Variants in HYDIN observed in about 807,000 individuals in gnomAD.
HYDIN encodes axonemal central pair apparatus protein HYDIN.
A neutral mutation model predicts 403.9 loss-of-function variants in HYDIN; 132 were observed. The ratio of observed to expected loss-of-function variants is 0.33; its 90% CI spans 0.28 to 0.38. The LOEUF (loss-of-function observed/expected upper bound fraction) is 0.38, where lower values mean the gene tolerates loss of function less well. Among genes scored for constraint, HYDIN ranks in the 10% least tolerant of loss-of-function variants. The pLI is 1.00. For missense variants in HYDIN, 2,827 were observed against 5,009.5 expected (o/e 0.56, Z 13.15); for synonymous variants, 1,202 against 1,891.7 (o/e 0.64, Z 9.46).
rs2035081644 is a variant in HYDIN, at chr16:70,805,819, C to G, written c.*1761G>C. 6.6e-6 allele frequency among the ~76,000 whole-genome samples: 1 copy of G among 152,180 alleles called. No homozygotes were observed. On this transcript the variant is annotated 3_prime_UTR_variant, in exon 86 of 86. Coordinates refer to ENST00000393567, the MANE Select transcript of HYDIN (RefSeq NM_001270974.2). Reference sequence around the variant, plus strand: ...GTATGGCAGTCCTCCTCATCTATGGCTTCAGTTACCTGTGGTCAACTGTGG... The same window carrying G: ...GTATGGCAGTCCTCCTCATCTATGGGTTCAGTTACCTGTGGTCAACTGTGG...
intron 69 of HYDIN, among the ~76,000 whole-genome samples, chr16:70,861,289 G>A (rs573787981): frequency 5.4e-3 from 815 of 151,956 alleles, no homozygotes; most frequent in Non-Finnish European, 7.6e-3. Context: ...ATGAGCAGAT[G>A]CTCAGCTCCA....
chr16:71,115,600 C>T (rs1441240457), intron 10 of HYDIN, 96 bp downstream of exon 10: 12 of 687,826 alleles, frequency 1.7e-5, no homozygotes, highest in Non-Finnish European at 2.7e-5. Flanking sequence ...GGCATGATCC[C>T]ACATGCACAT....
At chr16:70,889,975 T>C (rs2041375724) in intron 57 of HYDIN, among the ~76,000 whole-genome samples, 1 of 152,276 alleles carries the variant, frequency 6.6e-6, no homozygotes, top group Admixed American at 6.5e-5. Flanking sequence ...AAGTTTTAAA[T>C]GCCTACTTGA....
chr16:71,040,129 G>A (rs1388323463), intron 18 of HYDIN, among the ~76,000 whole-genome samples: 4 of 151,986 alleles, frequency 2.6e-5, no homozygotes, highest in Admixed American at 6.5e-5. Flanking sequence ...ACCTGTGAGG[G>A]GTGGAGTGCA....
chr16:71,107,544 A>G (rs1447456807), intron 10 of HYDIN, among the ~76,000 whole-genome samples: 2 of 152,180 alleles, frequency 1.3e-5, no homozygotes, highest in East Asian at 3.9e-4. Context: ...AAGAAGACAT[A>G]TATGTGGCCT....
intron 37 of HYDIN, among the ~76,000 whole-genome samples, chr16:70,963,941 A>G (rs1306669750): frequency 6.8e-6 from 1 of 148,112 alleles, no homozygotes; most frequent in Non-Finnish European, 1.5e-5. Flanking sequence ...AGGCATTGTG[A>G]AGAAAATAAT....
chr16:71,114,768 T>C (rs1016595756), intron 10 of HYDIN, among the ~76,000 whole-genome samples: 5 of 123,222 alleles, frequency 4.1e-5, no homozygotes, highest in African/African-American at 1.6e-4. Flanking sequence ...CTATTTTCCA[T>C]GTTTGTATCT....
intron 47 of HYDIN, among the ~76,000 whole-genome samples, chr16:70,918,001 G>A (rs1385228631): frequency 6.6e-6 from 1 of 151,414 alleles, no homozygotes; most frequent in Non-Finnish European, 1.5e-5. Flanking sequence ...TTCCTCTTAG[G>A]AGGTAGGACA....
At chr16:70,860,235 G>C in intron 70 of HYDIN, 29 bp from the exon 71 acceptor site, 1 of 1,606,564 alleles carries the variant, frequency 6.2e-7, no homozygotes, top group East Asian at 2.2e-5. Flanking sequence ...ATTGACAGAA[G>C]AGAGTGGGAC....
chr16:70,943,206 C>T (rs1294676545), intron 42 of HYDIN, among the ~76,000 whole-genome samples: 1 of 151,980 alleles, frequency 6.6e-6, no homozygotes. Flanking sequence ...TTGTCTTTAA[C>T]TGTAGAATTC....
At chr16:70,838,474 C>T (rs530020835) in intron 76 of HYDIN, among the ~76,000 whole-genome samples, 1 of 152,096 alleles carries the variant, frequency 6.6e-6, no homozygotes, top group South Asian at 2.1e-4. Flanking sequence ...TACAGGCCAC[C>T]GCGCCCAGCC....
intron 1 of HYDIN, among the ~76,000 whole-genome samples, chr16:71,225,681 AAAG>A (rs2041004038): frequency 1.3e-5 from 2 of 152,322 alleles, no homozygotes; most frequent in Admixed American, 6.5e-5. Flanking sequence ...TGAGGTTCAG[AAAG>A]AAGGAGGAGG....
intron 15 of HYDIN, among the ~76,000 whole-genome samples, chr16:71,065,370 T>C (rs1177164589): frequency 9.9e-5 from 15 of 151,804 alleles, no homozygotes; most frequent in African/African-American, 3.6e-4. Context: ...TGTGACGGGG[T>C]TGTCACTGTG....
At chr16:71,028,233 G>A (rs1340208414) in intron 19 of HYDIN, among the ~76,000 whole-genome samples, 1 of 152,070 alleles carries the variant, frequency 6.6e-6, no homozygotes, top group Non-Finnish European at 1.5e-5. Context: ...GTTTCAAGCT[G>A]TGCTGAGAAA....
At chr16:71,075,197 T>C (rs1426457671) in intron 13 of HYDIN, among the ~76,000 whole-genome samples, 4 of 152,220 alleles carry the variant, frequency 2.6e-5, no homozygotes. Context: ...CAGTGTCTTC[T>C]GGCCTCTTGC....
intron 83 of HYDIN, among the ~76,000 whole-genome samples, chr16:70,824,797 G>A (rs535198665): frequency 1.3e-5 from 2 of 151,216 alleles, no homozygotes; most frequent in African/African-American, 4.8e-5. Flanking sequence ...AATTCAGAAA[G>A]TTTTAATTTT....
intron 47 of HYDIN, among the ~76,000 whole-genome samples, chr16:70,909,380 CA>C (rs374746870): frequency 1.1e-4 from 16 of 151,456 alleles, no homozygotes; most frequent in Admixed American, 4.6e-4. Flanking sequence ...GTTTCCTGAT[CA>C]AAAAAAAATT....
At chr16:70,927,524 G>T (rs1480195454) in intron 45 of HYDIN, among the ~76,000 whole-genome samples, 1 of 150,976 alleles carries the variant, frequency 6.6e-6, no homozygotes, top group African/African-American at 2.4e-5. Flanking sequence ...ACTGTAAACT[G>T]TCCTGGGCTG....
At chr16:71,124,106 C>G (rs1013314347) in intron 9 of HYDIN, among the ~76,000 whole-genome samples, 1 of 151,034 alleles carries the variant, frequency 6.6e-6, no homozygotes, top group Non-Finnish European at 1.5e-5. Flanking sequence ...TCCGTCTGTT[C>G]GATCACAAGG....
Sources: gnomAD v4.1 joint callset for allele counts (sites outside exome capture counted in the v4.1 genomes callset) on GRCh38, gnomAD v4.1.1 for gene constraint, MANE v1.5 for transcripts, NCBI Gene and HGNC (gene_info 2026-07-23, HGNC 2026-07-21) for gene names.